The following ADAMTS2 variants were observed in gnomAD, a reference collection of about 807,000 sequenced individuals.
ADAMTS2 encodes the protein ADAM metallopeptidase with thrombospondin type 1 motif 2.
A neutral mutation model predicts 123.0 loss-of-function variants in ADAMTS2; 50 were observed. That is an observed-to-expected ratio of 0.41 (90% confidence interval 0.32 to 0.51). The LOEUF (loss-of-function observed/expected upper bound fraction) is 0.51. ADAMTS2 is among the 20% of genes least tolerant of loss of function. The pLI is 0.35. For missense variants in ADAMTS2, 1,494 were observed against 1,705.2 expected (o/e 0.88, Z 2.18); for synonymous variants, 678 against 695.4 (o/e 0.98, Z 0.39).
intron 4 of ADAMTS2, among the ~76,000 whole-genome samples, chr5:179,184,227 C>T (rs1283678920): frequency 6.6e-6 from 1 of 152,070 alleles, no homozygotes; most frequent in East Asian, 1.9e-4. Context: ...CGAAAGAAAG[C>T]CCTGGCCAGG....
intron 3 of ADAMTS2, among the ~76,000 whole-genome samples, chr5:179,249,604 A>C (rs1303776352): frequency 6.6e-6 from 1 of 152,196 alleles, no homozygotes; most frequent in East Asian, 1.9e-4. Flanking sequence ...AATGATTATA[A>C]GAGAATATTA....
chr5:179,233,616 G>A (rs960974725), intron 3 of ADAMTS2, among the ~76,000 whole-genome samples: 2 of 152,188 alleles, frequency 1.3e-5, no homozygotes, highest in African/African-American at 4.8e-5. Flanking sequence ...TGAACCCGGA[G>A]GGAGAGGTTG....
At chr5:179,192,322 T>C (rs969739518) in intron 4 of ADAMTS2, among the ~76,000 whole-genome samples, 1 of 152,184 alleles carries the variant, frequency 6.6e-6, no homozygotes, top group African/African-American at 2.4e-5. Flanking sequence ...TGCCAGCGTA[T>C]CCCTCCCTGA....
rs1298706423 is a variant in ADAMTS2, at chr5:179,158,829, G to C, written c.1026C>G (p.Val342=). ...TCTGCTGGAGGTAGGCCCAGCGGCA[G>C]ACATTCTCCAGGCTCTGAGAGGGGT... The part of the protein sequence containing the change: ...IGNPSQSLEN[V]CRWAYLQQKP... The change falls in exon 6 of 22, where the codon GTC becomes GTG. Residue 342 remains valine, a synonymous_variant. Coordinates refer to ENST00000251582, the MANE Select transcript of ADAMTS2 (RefSeq NM_014244.5). This position sits in a 1 kb window ranked among gnomAD's most constrained non-coding sequence, Gnocchi z 5.0. 3 of 1,614,238 alleles carry C rather than the reference G, an allele frequency of 1.9e-6. No individual in the cohort carries two copies. Among genetic ancestry groups the C allele is most frequent in the East Asian group, 4.5e-5 (2 of 44,888 alleles).
intron 7 of ADAMTS2, 116 bp from the exon 8 acceptor site, chr5:179,154,308 C>T (rs895846594): frequency 1.2e-5 from 17 of 1,445,822 alleles, no homozygotes; most frequent in African/African-American, 4.2e-5. Flanking sequence ...CTGACCTTGG[C>T]CCACTCTGAG....
intron 2 of ADAMTS2, chr5:179,341,246 G>A (rs1757761753): frequency 7.4e-6 from 2 of 270,298 alleles, no homozygotes; most frequent in South Asian, 3.2e-5. Context: ...AAGAGGCCGG[G>A]CGCGGTGGCT....
At chr5:179,191,494 C>A (rs908589532) in intron 4 of ADAMTS2, among the ~76,000 whole-genome samples, 5 of 152,144 alleles carry the variant, frequency 3.3e-5, no homozygotes, top group Admixed American at 2.6e-4. Flanking sequence ...CATTTTTATT[C>A]CCCCACACAT....
intron 3 of ADAMTS2, among the ~76,000 whole-genome samples, chr5:179,236,201 G>T (rs764687781): frequency 4.6e-4 from 70 of 152,316 alleles, no homozygotes; most frequent in Admixed American, 3.1e-3. Flanking sequence ...TGCTGTGTTT[G>T]GGGTCTTCCC....
At position 179,345,067 on chromosome 5, in the gene ADAMTS2, G is replaced by A. The variant is rs1581301453; in HGVS notation, c.139+123C>T. On this transcript the variant is annotated intron_variant, in intron 1 of 21. Transcript: ENST00000251582. This position sits in a 1 kb window ranked among gnomAD's most constrained non-coding sequence, Gnocchi z 7.5. The stretch of plus-strand genomic sequence containing the variant: ...CCCCGAAGTTGGCCAACTTGGCCCC[G>A]GGCGGGGCGCGCGGAGTTTGCCCAA... 1.3e-6 allele frequency: 1 copy of A among 782,132 alleles called. No individual in the cohort carries two copies. The highest frequency in any genetic ancestry group is 1.0e-4 in the East Asian group (1 of 9,724). 48.4% of individuals were successfully genotyped at this position (782,132 alleles called of 1,614,324 possible). A position where few individuals can be genotyped will look rare whatever the true frequency, so the allele number is the denominator to read the frequency against.
At chr5:179,297,638 AT>A (rs1756379444) in intron 2 of ADAMTS2, among the ~76,000 whole-genome samples, 1 of 152,020 alleles carries the variant, frequency 6.6e-6, no homozygotes, top group Non-Finnish European at 1.5e-5. Context: ...ATCATGGGGC[AT>A]AATGCCAACT....
In ADAMTS2 at chr5:179,225,836, C is replaced by T. The variant is rs2113417585; in HGVS notation, c.689-18121G>A. Among the ~76,000 whole-genome samples, 1 of 152,320 alleles carries T rather than the reference C, an allele frequency of 6.6e-6. No individual in the cohort carries two copies. The highest frequency in any genetic ancestry group is 2.1e-4 in the South Asian group (1 of 4,832). On this transcript the variant is annotated intron_variant, in intron 3 of 21. Transcript: ENST00000251582. This position sits in a 1 kb window ranked among gnomAD's most constrained non-coding sequence, Gnocchi z 4.5. ...AAGCCCACGTGTGATCTGATTCTTC[C>T]AGGACATCAAGGAAGAACCCGAGAT...
At chr5:179,279,535 C>CTCACAGGGAGAGCT (rs1766834250) in intron 2 of ADAMTS2, among the ~76,000 whole-genome samples, 1 of 152,266 alleles carries the variant, frequency 6.6e-6, no homozygotes, top group African/African-American at 2.4e-5. Context: ...GAATGACGGT[C>CTCACAGGGAGAGCT]TCACAGGGAG....
rs556768033 is a variant in ADAMTS2, at chr5:179,285,804, G to A, written c.535-12740C>T. 6.6e-6 allele frequency among the ~76,000 whole-genome samples: 1 copy of A among 152,298 alleles called. No individual in the cohort carries two copies. Among genetic ancestry groups the A allele is most frequent in the African/African-American group, 2.4e-5 (1 of 41,560 alleles). ...GGAACATTTGCCAAACTATCAAAAA[G>A]CAAGATTTTTCTTTCTGAGCTTCCA... On this transcript the variant is annotated intron_variant, in intron 2 of 21. Coordinates refer to ENST00000251582, the MANE Select transcript of ADAMTS2 (RefSeq NM_014244.5). This position sits in a 1 kb window ranked among gnomAD's most constrained non-coding sequence, Gnocchi z 4.9.
chr5:179,228,597 C>T lies in ADAMTS2; in HGVS notation c.689-20882G>A, dbSNP rs1052289541. On this transcript the variant is annotated intron_variant, in intron 3 of 21. Transcript: ENST00000251582. The surrounding 1 kb of genome is among the most constrained non-coding windows in gnomAD (Gnocchi z 5.2). ...TTGCCTCCTGCCTGATGCAGTCTCTCGGCAGCAAGGCAGGTGCCCTGAGAC... is the reference window on the plus strand; with the variant it reads ...TTGCCTCCTGCCTGATGCAGTCTCTTGGCAGCAAGGCAGGTGCCCTGAGAC... Among the ~76,000 whole-genome samples the T allele has an allele frequency of 3.9e-5, 6 of 152,226 alleles. No individual in the cohort carries two copies. Among genetic ancestry groups the T allele is most frequent in the South Asian group, 4.1e-4 (2 of 4,834 alleles).
Position 179,273,060 on chromosome 5 carries a change from C to T in ADAMTS2, c.539G>A (p.Gly180Asp). The change falls in exon 3 of 22, where the codon GGT becomes GAT. Residue 180 changes from glycine (G) to aspartate (D), a missense_variant. By Grantham distance (94) the Gly-to-Asp change is moderately conservative (BLOSUM62 -1). Around this residue, in one of 6 missense-constraint regions of ADAMTS2, gnomAD observed 3 missense variants for 16.7 expected, o/e 0.18. Coordinates refer to ENST00000251582, the MANE Select transcript of ADAMTS2 (RefSeq NM_014244.5). ...VALSNCDGLA[G>D]LIRMEEEEFF... is the part of the protein sequence containing the mutation. ...CTCCTCCTCCTCCATCCGGATCAGACCAGCCTGCGGGACAAAGACAACAGG... is the reference window on the plus strand; with the variant it reads ...CTCCTCCTCCTCCATCCGGATCAGATCAGCCTGCGGGACAAAGACAACAGG... The T allele has an allele frequency of 6.2e-7, 1 of 1,613,616 alleles. No homozygotes were observed. Among genetic ancestry groups the T allele is most frequent in the South Asian group, 1.1e-5 (1 of 91,076 alleles).
chr5:179,190,981 G>A (rs188913066), intron 4 of ADAMTS2, among the ~76,000 whole-genome samples: 10 of 152,378 alleles, frequency 6.6e-5, no homozygotes, highest in Admixed American at 2.0e-4. Context: ...CGCTGGCTGC[G>A]TCGCCTTTGG....
intron 4 of ADAMTS2, among the ~76,000 whole-genome samples, chr5:179,192,997 A>G (rs550552870): frequency 5.6e-4 from 86 of 152,262 alleles, no homozygotes; most frequent in African/African-American, 2.0e-3. Context: ...AGGGTGGCCG[A>G]GGGCTGGCAC....
At chr5:179,136,362 G>A (rs1477793577) in intron 12 of ADAMTS2, among the ~76,000 whole-genome samples, 1 of 152,140 alleles carries the variant, frequency 6.6e-6, no homozygotes, top group African/African-American at 2.4e-5. Context: ...TTGCTGGGTT[G>A]CTATCTAAAG....
In ADAMTS2 at chr5:179,201,917, G is replaced by C. The variant is rs548462858; in HGVS notation, c.891+5596C>G. Among the ~76,000 whole-genome samples, 20 of 152,214 alleles carry C rather than the reference G, an allele frequency of 1.3e-4. 1 individual carries two copies. The South Asian group carries it at 4.2e-3, about 32-fold the overall frequency. On this transcript the variant is annotated intron_variant, in intron 4 of 21. Coordinates refer to ENST00000251582, the MANE Select transcript of ADAMTS2 (RefSeq NM_014244.5). ...AAGATAAGAAAACTGGACCCAGCAG[G>C]GGCTGCTGGAGTGGGCAGGTGGGTG... is the stretch of plus-strand genomic sequence containing the variant.
Sources: gnomAD v4.1 joint callset for allele counts (sites outside exome capture counted in the v4.1 genomes callset) on GRCh38, gnomAD v4.1.1 for gene constraint, gnomAD v4.1.1 regional missense constraint, Gnocchi (gnomAD v3.1) non-coding constraint, MANE v1.5 for transcripts, NCBI Gene and HGNC (gene_info 2026-07-23, HGNC 2026-07-21) for gene names.